DNER: variants seen among roughly 807,000 people sequenced by gnomAD.
DNER encodes delta and Notch-like epidermal growth factor-related receptor.
In DNER, 33 loss-of-function variants were observed where a neutral mutation model predicts 78.2. The observed-to-expected ratio is 0.42, with a 90% CI of 0.32 to 0.56. The LOEUF is 0.56. Ranked by LOEUF, DNER falls within the 20% of genes least tolerant of loss-of-function variation. The pLI is 0.11. For missense variants in DNER, 918 were observed against 975.3 expected, an observed-to-expected ratio of 0.94 and a Z score of 0.78; for synonymous variants, 417 against 384.8, an observed-to-expected ratio of 1.08 and a Z score of -0.98.
At chr2:229,546,695 C>T (rs1454380438) in intron 5 of DNER, among the ~76,000 whole-genome samples, 1 of 152,160 alleles carries the variant, frequency 6.6e-6, no homozygotes, top group South Asian at 2.1e-4. Flanking sequence ...GAGATCACAC[C>T]ACTGCACTCC....
At chr2:229,691,499 T>G (rs1699571286) in intron 1 of DNER, among the ~76,000 whole-genome samples, 2 of 151,952 alleles carry the variant, frequency 1.3e-5, no homozygotes, top group Admixed American at 1.3e-4. Context: ...CTAATAAATC[T>G]CTCCATATTT....
At chr2:229,423,012 T>C (rs959944556) in intron 8 of DNER, among the ~76,000 whole-genome samples, 1 of 152,130 alleles carries the variant, frequency 6.6e-6, no homozygotes, top group African/African-American at 2.4e-5. Flanking sequence ...AGGAGGTCAC[T>C]GAACACCCTC....
intron 6 of DNER, among the ~76,000 whole-genome samples, chr2:229,482,608 G>A (rs925022721): frequency 1.3e-5 from 2 of 152,138 alleles, no homozygotes; most frequent in African/African-American, 4.8e-5. Context: ...GTGGCCTCAG[G>A]ACCAGAAAGA....
chr2:229,709,961 C>T (rs1350194439), intron 1 of DNER, among the ~76,000 whole-genome samples: 1 of 152,186 alleles, frequency 6.6e-6, no homozygotes, highest in Non-Finnish European at 1.5e-5. Flanking sequence ...CTGATACCTG[C>T]CTGCTTCCCC....
At chr2:229,650,617 C>T (rs1225870436) in intron 1 of DNER, among the ~76,000 whole-genome samples, 3 of 152,038 alleles carry the variant, frequency 2.0e-5, no homozygotes, top group Non-Finnish European at 2.9e-5. Flanking sequence ...CCTCCATGAA[C>T]GACCACCACC....
At chr2:229,498,410 T>C (rs10187046) in intron 6 of DNER, among the ~76,000 whole-genome samples, 21,283 of 152,096 alleles carry the variant, frequency 0.14, 1,639 homozygotes, top group East Asian at 0.22. Flanking sequence ...TATAACTTAA[T>C]ATACTAGCCA....
In DNER at chr2:229,452,078, G is replaced by A. The variant is rs750352932; in HGVS notation, c.1262-4538C>T. On this transcript the variant is annotated intron_variant, in intron 7 of 12. Coordinates refer to ENST00000341772, the MANE Select transcript of DNER (RefSeq NM_139072.4). ...GGCCAGGTCACGACTGGTCTTATATGTTACACTTGGGAGCTTACATTTCAT... is the reference window on the plus strand; with the variant it reads ...GGCCAGGTCACGACTGGTCTTATATATTACACTTGGGAGCTTACATTTCAT... Among the ~76,000 whole-genome samples the A allele has an allele frequency of 5.3e-5, 8 of 152,142 alleles. No homozygotes were observed. The South Asian group carries it at 1.5e-3, about 28-fold the overall frequency.
intron 4 of DNER, chr2:229,580,116 T>G (rs909122692): frequency 6.6e-6 from 1 of 152,188 alleles, no homozygotes; most frequent in Non-Finnish European, 1.5e-5. Context: ...TCAAGGCAAC[T>G]GAAAGCACTC....
At chr2:229,616,959 G>T (rs1232689278) in intron 1 of DNER, among the ~76,000 whole-genome samples, 1 of 152,194 alleles carries the variant, frequency 6.6e-6, no homozygotes, top group African/African-American at 2.4e-5. Flanking sequence ...GCCCTGGAAA[G>T]GTCCTGAATA....
intron 7 of DNER, among the ~76,000 whole-genome samples, chr2:229,462,950 T>A (rs528709267): frequency 6.6e-6 from 1 of 152,302 alleles, no homozygotes; most frequent in African/African-American, 2.4e-5. Flanking sequence ...TATGTCTTAA[T>A]TTTTGACATA....
intron 1 of DNER, among the ~76,000 whole-genome samples, chr2:229,644,572 C>T (rs553237972): frequency 6.6e-6 from 1 of 152,262 alleles, no homozygotes; most frequent in Non-Finnish European, 1.5e-5. Flanking sequence ...GTCTCTACCT[C>T]CTGACCTCAG....
chr2:229,564,478 CCAT>C lies in DNER; in HGVS notation c.848-17389_848-17387del, dbSNP rs760626856. Among the ~76,000 whole-genome samples the C allele has an allele frequency of 9.2e-5, 13 of 140,810 alleles. No homozygotes were observed. In the South Asian group the frequency reaches 1.2e-3, roughly 14 times the overall value. 92.4% of individuals were successfully genotyped at this position (140,810 alleles called of 152,430 possible). ...CATCATCATCCTCCTCACCCCATCG[CCAT>C]CATCATCATCACACCATCACCATCA... On this transcript the variant is annotated intron_variant, in intron 4 of 12. Transcript: ENST00000341772.
chr2:229,650,303 A>G (rs1698793507), intron 1 of DNER, among the ~76,000 whole-genome samples: 1 of 152,176 alleles, frequency 6.6e-6, no homozygotes, highest in Admixed American at 6.5e-5. Flanking sequence ...AGTGTGAAGG[A>G]AGTATCAGAG....
chr2:229,374,661 A>G (rs1476878749), intron 11 of DNER, among the ~76,000 whole-genome samples: 2 of 152,214 alleles, frequency 1.3e-5, no homozygotes, highest in Non-Finnish European at 2.9e-5. Context: ...AGGGTTACAC[A>G]CAGTAAGTGG....
intron 1 of DNER, among the ~76,000 whole-genome samples, chr2:229,696,380 G>A (rs549348835): frequency 1.3e-5 from 2 of 152,322 alleles, no homozygotes; most frequent in African/African-American, 4.8e-5. Context: ...CCTAGGAGGA[G>A]GAAACTGACC....
rs201271177 is a variant in DNER, at chr2:229,588,499, A to G, written c.586-11T>C. The stretch of plus-strand genomic sequence containing the variant: ...AATATCTGGGATCACCTGGGAAGGG[A>G]AAAAAAAAACGACATATGATTGGGG... On this transcript the variant is annotated splice_polypyrimidine_tract_variant and intron_variant, in intron 2 of 12. Coordinates refer to ENST00000341772, the MANE Select transcript of DNER (RefSeq NM_139072.4). 1 of 1,418,086 alleles carries G rather than the reference A, an allele frequency of 7.1e-7. No individual in the cohort carries two copies. 87.8% of individuals were successfully genotyped at this position (1,418,086 alleles called of 1,614,324 possible). A position where few individuals can be genotyped will look rare whatever the true frequency, so the allele number is the denominator to read the frequency against.
intron 9 of DNER, among the ~76,000 whole-genome samples, chr2:229,410,781 T>G (rs1481167930): frequency 6.6e-6 from 1 of 152,214 alleles, no homozygotes; most frequent in Non-Finnish European, 1.5e-5. Flanking sequence ...CAATTATAAG[T>G]CTTTGTTGTT....
intron 4 of DNER, among the ~76,000 whole-genome samples, chr2:229,577,258 C>A (rs776253996): frequency 6.6e-6 from 1 of 152,124 alleles, no homozygotes; most frequent in Non-Finnish European, 1.5e-5. Flanking sequence ...GTACTGCAGG[C>A]TTGTTTGAGA....
chr2:229,402,617 C>A (rs1430588740), intron 10 of DNER, among the ~76,000 whole-genome samples: 4 of 152,180 alleles, frequency 2.6e-5, no homozygotes, highest in Non-Finnish European at 5.9e-5. Context: ...TCACTTGTGT[C>A]CCAGCTGTTC....
Sources: gnomAD v4.1 joint callset for allele counts (sites outside exome capture counted in the v4.1 genomes callset) on GRCh38, gnomAD v4.1.1 for gene constraint, MANE v1.5 for transcripts, NCBI Gene and HGNC (gene_info 2026-07-23, HGNC 2026-07-21) for gene names.